SH3BGRL: variants seen among roughly 807,000 people sequenced by gnomAD.
SH3BGRL encodes adapter SH3BGRL.
Under a neutral mutation model 9.8 loss-of-function variants are expected in SH3BGRL, and 7 were observed. The observed-to-expected ratio is 0.72, with a 90% CI of 0.41 to 1.35. The LOEUF (loss-of-function observed/expected upper bound fraction) is 1.35, where lower values mean the gene tolerates loss of function less well. Among genes scored for constraint, SH3BGRL ranks in the 40% most tolerant of loss-of-function variants. SH3BGRL has a pLI of 0.01. For synonymous variants in SH3BGRL, 36 were observed against 29.1 expected (o/e 1.24, Z -0.76); for missense variants, 73 against 84.4 (o/e 0.86, Z 0.53).
At chrX:81,273,583 G>C (rs943639298) in intron 1 of SH3BGRL, among the ~76,000 whole-genome samples, 5 of 109,172 alleles carry the variant, frequency 4.6e-5, no homozygotes, top group Non-Finnish European at 9.5e-5. Flanking sequence ...TTAATTAACT[G>C]TTAGTAGAGA....
At position 81,208,537 on chromosome X, in the gene SH3BGRL, T is replaced by A. The variant is rs755352513; in HGVS notation, c.45+6292T>A. ...ATGGAATTATCAAGGTTGAATTTTGTATTTCATTTCTTACTGATACAAGTA... is the reference window on the plus strand; with the variant it reads ...ATGGAATTATCAAGGTTGAATTTTGAATTTCATTTCTTACTGATACAAGTA... On this transcript the variant is annotated intron_variant, in intron 1 of 3. Transcript: ENST00000373212. Among the ~76,000 whole-genome samples the A allele has an allele frequency of 2.7e-5, 3 of 112,443 alleles. No individual in the cohort carries two copies. The East Asian group carries it at 8.3e-4, about 31-fold the overall frequency.
chrX:81,271,969 C>T (rs1358871003), intron 1 of SH3BGRL, among the ~76,000 whole-genome samples: 1 of 110,128 alleles, frequency 9.1e-6, no homozygotes, highest in African/African-American at 3.3e-5. Context: ...CTGAAGTGGG[C>T]GGATCATGAG....
At chrX:81,215,784 C>T (rs1482185454) in intron 1 of SH3BGRL, among the ~76,000 whole-genome samples, 2 of 111,596 alleles carry the variant, frequency 1.8e-5, no homozygotes, top group Non-Finnish European at 3.8e-5. Context: ...AACTGTTACC[C>T]AATTTTCTTG....
chrX:81,249,922 C>T (rs2075703607), intron 1 of SH3BGRL, among the ~76,000 whole-genome samples: 2 of 110,365 alleles, frequency 1.8e-5, no homozygotes, highest in Non-Finnish European at 3.8e-5. Context: ...TGATGCTATG[C>T]ATTTGTTAAA....
At chrX:81,245,472 T>C (rs2075685581) in intron 1 of SH3BGRL, among the ~76,000 whole-genome samples, 2 of 112,210 alleles carry the variant, frequency 1.8e-5, no homozygotes, top group South Asian at 3.7e-4. Flanking sequence ...TGCTTTTATG[T>C]AATAAGAGAT....
chrX:81,268,096 C>T (rs888102579), intron 1 of SH3BGRL, among the ~76,000 whole-genome samples: 5 of 110,384 alleles, frequency 4.5e-5, no homozygotes, highest in Admixed American at 1.9e-4. Context: ...CTATTTGATT[C>T]TTCTCTCTTT....
At chrX:81,271,404 C>T (rs953256027) in intron 1 of SH3BGRL, among the ~76,000 whole-genome samples, 1 of 112,084 alleles carries the variant, frequency 8.9e-6, no homozygotes, top group African/African-American at 3.2e-5. Flanking sequence ...TTTCTTTTAG[C>T]AGGAATAAAA....
intron 1 of SH3BGRL, among the ~76,000 whole-genome samples, chrX:81,205,109 A>G (rs910779262): frequency 1.8e-5 from 2 of 111,661 alleles, no homozygotes; most frequent in East Asian, 2.8e-4. Flanking sequence ...TTCTAGCTAT[A>G]CAGTAAATTA....
chrX:81,205,162 A>C (rs771328973), intron 1 of SH3BGRL, among the ~76,000 whole-genome samples: 8 of 111,127 alleles, frequency 7.2e-5, no homozygotes, highest in Admixed American at 6.7e-4. Context: ...TGAACAGTGG[A>C]TCTTATTCCT....
At chrX:81,281,633 A>G (rs1291376566) in intron 3 of SH3BGRL, among the ~76,000 whole-genome samples, 2 of 112,282 alleles carry the variant, frequency 1.8e-5, no homozygotes, top group Non-Finnish European at 3.8e-5. Context: ...AGAATTCGCC[A>G]TTATCAAGCC....
At chrX:81,293,021 C>G (rs2075863146) in intron 3 of SH3BGRL, among the ~76,000 whole-genome samples, 2 of 112,192 alleles carry the variant, frequency 1.8e-5, no homozygotes, top group South Asian at 7.3e-4. Flanking sequence ...GCATCCAAAT[C>G]TCATCTTGAA....
intron 1 of SH3BGRL, among the ~76,000 whole-genome samples, chrX:81,258,593 AG>A (rs1448015145): frequency 8.9e-6 from 1 of 112,358 alleles, no homozygotes; most frequent in Non-Finnish European, 1.9e-5. Flanking sequence ...TCCTAAATCA[AG>A]GTGTTTTGGT....
chrX:81,239,988 C>T (rs1470019641), intron 1 of SH3BGRL, among the ~76,000 whole-genome samples: 1 of 112,214 alleles, frequency 8.9e-6, no homozygotes, highest in African/African-American at 3.2e-5. Flanking sequence ...TTTTCATTAA[C>T]ACCAGACTTG....
At chrX:81,284,215 A>G (rs1251214383) in intron 3 of SH3BGRL, among the ~76,000 whole-genome samples, 1 of 111,528 alleles carries the variant, frequency 9.0e-6, no homozygotes, top group East Asian at 2.8e-4. Flanking sequence ...GATACAATCA[A>G]TATTGTGAAA....
intron 1 of SH3BGRL, among the ~76,000 whole-genome samples, chrX:81,210,534 T>C (rs759131003): frequency 9.0e-6 from 1 of 111,638 alleles, no homozygotes; most frequent in East Asian, 2.8e-4. Flanking sequence ...TTACATGTAT[T>C]GTTTCATTTT....
At chrX:81,292,092 C>T (rs2075859741) in intron 3 of SH3BGRL, among the ~76,000 whole-genome samples, 1 of 111,654 alleles carries the variant, frequency 9.0e-6, no homozygotes, top group Admixed American at 9.4e-5. Context: ...CTCACAGCTA[C>T]ACTAGGCAGT....
intron 3 of SH3BGRL, among the ~76,000 whole-genome samples, chrX:81,283,115 A>G (rs987838347): frequency 4.5e-5 from 5 of 111,973 alleles, no homozygotes; most frequent in African/African-American, 1.6e-4. Context: ...CCTAGCTTAA[A>G]TCAGAAAGAA....
intron 1 of SH3BGRL, among the ~76,000 whole-genome samples, chrX:81,229,744 TC>T (rs1478519433): frequency 8.9e-6 from 1 of 111,859 alleles, no homozygotes; most frequent in Non-Finnish European, 1.9e-5. Flanking sequence ...CCTCTTGATG[TC>T]CAGGCGCTTG....
chrX:81,259,829 C>T, intron 1 of SH3BGRL, among the ~76,000 whole-genome samples: 1 of 112,206 alleles, frequency 8.9e-6, no homozygotes, highest in East Asian at 2.8e-4. Flanking sequence ...CTTAACTTCA[C>T]ACTTTATTTG....
Sources: gnomAD v4.1 joint callset for allele counts (sites outside exome capture counted in the v4.1 genomes callset) on GRCh38, gnomAD v4.1.1 for gene constraint, MANE v1.5 for transcripts, NCBI Gene and HGNC (gene_info 2026-07-23, HGNC 2026-07-21) for gene names.